The following CDC37 variants were observed in gnomAD, a reference collection of about 807,000 sequenced individuals.
CDC37 encodes the protein cell division cycle 37, HSP90 cochaperone.
A neutral mutation model predicts 46.9 loss-of-function variants in CDC37; 9 were observed. That is an observed-to-expected ratio of 0.19 (90% CI 0.12 to 0.33). The LOEUF (loss-of-function observed/expected upper bound fraction) is 0.33, where lower values mean the gene tolerates loss of function less well. Among genes scored for constraint, CDC37 ranks in the 10% least tolerant of loss-of-function variants. The pLI, the probability that CDC37 is intolerant of heterozygous loss-of-function variation, is 1.00. For synonymous variants in CDC37, 193 were observed against 191.0 expected (o/e 1.01, Z -0.09); for missense variants, 388 against 514.6 (o/e 0.75, Z 2.38).
At chr19:10,397,044 C>T (rs556526369) in intron 1 of CDC37, among the ~76,000 whole-genome samples, 19 of 152,288 alleles carry the variant, frequency 1.2e-4, no homozygotes, top group African/African-American at 4.3e-4. Context: ...GGCAACTTCC[C>T]GCTGCCCCTG....
Position 10,393,562 on chromosome 19 carries a change from A to C in CDC37, c.727-121T>G. 9.4e-7 allele frequency: 1 copy of C among 1,065,262 alleles called. No individual in the cohort carries two copies. The highest frequency in any genetic ancestry group is 1.3e-6 in the Non-Finnish European group (1 of 757,750). The allele number at this position is 1,065,262 out of a possible 1,614,324, so 66.0% of individuals were successfully genotyped here. On this transcript the variant is annotated intron_variant, in intron 5 of 7. Transcript: ENST00000222005. The surrounding 1 kb of genome is among the most constrained non-coding windows in gnomAD (Gnocchi z 4.9). ...CCACGGTTCCCCAAGTCTATTCCTG[A>C]CCTACATGAAGGGCTCCCCAAGGCC...
rs955049728 is a variant in CDC37 at position 10,393,721 on chromosome 19, C to T, written c.727-280G>A. ...GGCACCTCTAACTCAACATGGCCACCTCCCAGCCTGCCTTGTCCTTGGTCT... is the reference window on the plus strand; with the variant it reads ...GGCACCTCTAACTCAACATGGCCACTTCCCAGCCTGCCTTGTCCTTGGTCT... On this transcript the variant is annotated intron_variant, in intron 5 of 7. Transcript: ENST00000222005. This position sits in a 1 kb window ranked among gnomAD's most constrained non-coding sequence, Gnocchi z 4.9. 3 of 402,994 alleles carry T rather than the reference C, an allele frequency of 7.4e-6. No individual in the cohort carries two copies. Among genetic ancestry groups the T allele is most frequent in the African/African-American group, 6.2e-5 (3 of 48,712 alleles). 25.0% of individuals were successfully genotyped at this position (402,994 alleles called of 1,614,324 possible). A position where few individuals can be genotyped will look rare whatever the true frequency, so the allele number is the denominator to read the frequency against.
intron 2 of CDC37, 39 bp downstream of exon 2, chr19:10,395,889 C>CTGCGCA (rs1568354814): frequency 6.3e-7 from 1 of 1,598,170 alleles, no homozygotes; most frequent in East Asian, 2.2e-5. Context: ...GGCTCTCTGG[C>CTGCGCA]TGCGCATGCG....
In CDC37 at chr19:10,396,130, C is replaced by T. The variant is rs1041504198; in HGVS notation, c.176G>A (p.Arg59His). ...TTTCCTCTGGCACTCGGCCACCTTG[C>T]GCTTGCACTCGCGGCAGCCCCTGTC... ...ELDRGCRECK[R>H]KVAECQRKLK... The change falls in exon 2 of 8, where the codon CGC becomes CAC. Residue 59 changes from arginine (R) to histidine (H), a missense_variant. Arg to His is a conservative substitution (Grantham distance 29, BLOSUM62 0). Coordinates refer to ENST00000222005, the MANE Select transcript of CDC37 (RefSeq NM_007065.4). The surrounding 1 kb of genome is among the most constrained non-coding windows in gnomAD (Gnocchi z 5.9). 1.2e-5 allele frequency: 20 copies of T among 1,614,126 alleles called. No individual in the cohort carries two copies. Among genetic ancestry groups the T allele is most frequent in the Non-Finnish European group, 1.7e-5 (20 of 1,180,014 alleles).
At chr19:10,402,731 C>T (rs1422754940) in intron 1 of CDC37, among the ~76,000 whole-genome samples, 1 of 152,164 alleles carries the variant, frequency 6.6e-6, no homozygotes, top group Non-Finnish European at 1.5e-5. Context: ...GATTCCAAAA[C>T]CCAAGTACTC....
intron 2 of CDC37, 40 bp from the exon 3 acceptor site, chr19:10,395,583 T>C: frequency 6.6e-7 from 1 of 1,506,170 alleles, no homozygotes. Context: ...GGGGCAAGGC[T>C]GCGGAGCGCC....
In CDC37 at chr19:10,396,347, G is replaced by A; in HGVS notation, c.103-144C>T. The A allele has an allele frequency of 1.1e-6, 1 of 921,920 alleles. No individual in the cohort carries two copies. Among genetic ancestry groups the A allele is most frequent in the Non-Finnish European group, 1.6e-6 (1 of 623,034 alleles). 57.1% of individuals were successfully genotyped at this position (921,920 alleles called of 1,614,324 possible). On this transcript the variant is annotated intron_variant, in intron 1 of 7. Coordinates refer to ENST00000222005, the MANE Select transcript of CDC37 (RefSeq NM_007065.4). This position sits in a 1 kb window ranked among gnomAD's most constrained non-coding sequence, Gnocchi z 5.9. Reference sequence around the variant, plus strand: ...CTGGTCTCCCAGCTTCCGCCCCTGCGCCCACAGGTGCCAGCGCACACCCAA... The same window carrying A: ...CTGGTCTCCCAGCTTCCGCCCCTGCACCCACAGGTGCCAGCGCACACCCAA...
At chr19:10,401,886 G>C (rs2042520318) in intron 1 of CDC37, among the ~76,000 whole-genome samples, 1 of 152,086 alleles carries the variant, frequency 6.6e-6, no homozygotes, top group Admixed American at 6.6e-5. Flanking sequence ...TGGGTGCGGT[G>C]GCTCACGCCT....
At chr19:10,401,598 T>C (rs887918793) in intron 1 of CDC37, among the ~76,000 whole-genome samples, 6 of 152,106 alleles carry the variant, frequency 3.9e-5, no homozygotes, top group East Asian at 1.9e-4. Context: ...CGGCAAGAAA[T>C]AGAAGCGCTA....
At position 10,394,873 on chromosome 19, in the gene CDC37, C is replaced by G. The variant is rs139371622; in HGVS notation, c.726+148G>C. ...GGCAGAATCTGCCCACTTCTCTCCT[C>G]CTCCCTGGCCCCACCCTCTCCTGAT... is the stretch of plus-strand genomic sequence containing the variant. On this transcript the variant is annotated intron_variant, in intron 5 of 7. Coordinates refer to ENST00000222005, the MANE Select transcript of CDC37 (RefSeq NM_007065.4). 9 of 863,722 alleles carry G rather than the reference C, an allele frequency of 1.0e-5. No homozygotes were observed. In the Admixed American group the frequency reaches 2.0e-4, roughly 19 times the overall value. The allele number at this position is 863,722 out of a possible 1,614,324, so 53.5% of individuals were successfully genotyped here.
intron 2 of CDC37, 69 bp downstream of exon 2, chr19:10,395,859 G>A (rs2042487958): frequency 1.9e-6 from 3 of 1,541,048 alleles, no homozygotes; most frequent in Non-Finnish European, 1.8e-6. Flanking sequence ...GGCATTGGGT[G>A]CGCATGCGTC....
At position 10,393,253 on chromosome 19, in the gene CDC37, C is replaced by G; in HGVS notation, c.909+6G>C. On this transcript the variant is annotated splice_donor_region_variant and intron_variant, in intron 6 of 7. Coordinates refer to ENST00000222005, the MANE Select transcript of CDC37 (RefSeq NM_007065.4). The surrounding 1 kb of genome is among the most constrained non-coding windows in gnomAD (Gnocchi z 4.9). ...CCTGCTGCCCGCCTGGGCCGGGGAG[C>G]CCCACCTCAGGGAGGGACTCGTAGA... 1 of 1,612,516 alleles carries G rather than the reference C, an allele frequency of 6.2e-7. No individual in the cohort carries two copies. The highest frequency in any genetic ancestry group is 8.5e-7 in the Non-Finnish European group (1 of 1,179,244).
chr19:10,394,915 G>T, intron 5 of CDC37, 106 bp downstream of exon 5: 1 of 1,227,534 alleles, frequency 8.1e-7, no homozygotes, highest in Non-Finnish European at 1.1e-6. Flanking sequence ...TGCGGTGACT[G>T]GAGGGGCTTG....
At position 10,396,156 on chromosome 19, in the gene CDC37, C is replaced by T; in HGVS notation, c.150G>A (p.Leu50=). 6.2e-7 allele frequency: 1 copy of T among 1,614,098 alleles called. No individual in the cohort carries two copies. The highest frequency in any genetic ancestry group is 8.5e-7 in the Non-Finnish European group (1 of 1,179,994). The change falls in exon 2 of 8, where the codon CTG becomes CTA. Residue 50 remains leucine (L), a synonymous_variant. Transcript: ENST00000222005. This position sits in a 1 kb window ranked among gnomAD's most constrained non-coding sequence, Gnocchi z 5.9. The part of the protein sequence containing the change: ...MEQFQKEKEE[L]DRGCRECKRK... Reference sequence around the variant, plus strand: ...GCTTGCACTCGCGGCAGCCCCTGTCCAGTTCCTCCTTCTCCTTCTGGAACT... The same window carrying T: ...GCTTGCACTCGCGGCAGCCCCTGTCTAGTTCCTCCTTCTCCTTCTGGAACT...
At position 10,395,910 on chromosome 19, in the gene CDC37, C is replaced by A; in HGVS notation, c.378+18G>T. 1.9e-6 allele frequency: 3 copies of A among 1,556,592 alleles called. No homozygotes were observed. Among genetic ancestry groups the A allele is most frequent in the East Asian group, 4.5e-5 (2 of 44,430 alleles). On this transcript the variant is annotated intron_variant, in intron 2 of 7. Transcript: ENST00000222005. ...CTGGCTGCGCATGCGCACTGCCCGC[C>A]CCGCCCGCCCCGCACACCTTGCTGA...
intron 7 of CDC37, among the ~76,000 whole-genome samples, chr19:10,392,082 G>A (rs552027237): frequency 6.6e-6 from 1 of 152,196 alleles, no homozygotes; most frequent in East Asian, 1.9e-4. Context: ...GATTACAGGC[G>A]TGAGCCACCG....
At chr19:10,395,599 C>T (rs764253091) in intron 2 of CDC37, 56 bp from the exon 3 acceptor site, 6 of 1,369,160 alleles carry the variant, frequency 4.4e-6, no homozygotes, top group East Asian at 4.6e-5. Context: ...GCGCCTCGAG[C>T]GCGGCCGGGC....
chr19:10,393,165 TAC>T lies in CDC37; in HGVS notation c.910-10_910-9del. 1 of 1,613,262 alleles carries T rather than the reference TAC, an allele frequency of 6.2e-7. No homozygotes were observed. Among genetic ancestry groups the T allele is most frequent in the Non-Finnish European group, 8.5e-7 (1 of 1,179,708 alleles). ...GAAGCACTTCTGGAGTTCCTGGGGG[TAC>T]AGAGGGGCTGGGGTCAGGGGCTGGG... is the stretch of plus-strand genomic sequence containing the variant. On this transcript the variant is annotated splice_polypyrimidine_tract_variant and intron_variant, in intron 6 of 7. Transcript: ENST00000222005. This position sits in a 1 kb window ranked among gnomAD's most constrained non-coding sequence, Gnocchi z 4.9.
chr19:10,403,348 T>C lies in CDC37; in HGVS notation c.102+30A>G, dbSNP rs560199056. 252 of 1,548,002 alleles carry C rather than the reference T, an allele frequency of 1.6e-4. 3 individuals are homozygous for C. In the South Asian group the frequency reaches 1.7e-3, roughly 10 times the overall value. On this transcript the variant is annotated intron_variant, in intron 1 of 7. Transcript: ENST00000222005. ...ACAACTCCGAAGCGGGGTCCGGGAG[T>C]GGGGAAAGGGATGGGCGCGCGCGCC...
Sources: allele counts gnomAD v4.1 joint callset (sites outside exome capture counted in the v4.1 genomes callset), GRCh38; gene constraint gnomAD v4.1.1; non-coding constraint Gnocchi (gnomAD v3.1); transcripts MANE v1.5; gene names NCBI Gene and HGNC (gene_info 2026-07-23, HGNC 2026-07-21).